The following UNC13C variants were observed in gnomAD, a reference collection of about 807,000 sequenced individuals.
The protein encoded by UNC13C is unc-13 homolog C.
UNC13C carries 174 observed loss-of-function variants against 245.4 expected under a neutral mutation model. The ratio of observed to expected loss-of-function variants is 0.71; its 90% CI spans 0.63 to 0.80. UNC13C has a LOEUF of 0.80. Among genes scored for constraint, UNC13C ranks in the 30% least tolerant of loss-of-function variants. The probability of loss-of-function intolerance (pLI) is 0.00; values close to 1 mark genes in which losing one functional copy is unlikely to be tolerated. For missense variants in UNC13C, 2,829 were observed against 2,602.9 expected (o/e 1.09, Z -1.89); for synonymous variants, 992 against 895.1 (o/e 1.11, Z -1.93).
intron 4 of UNC13C, among the ~76,000 whole-genome samples, chr15:54,202,986 C>G (rs2034571351): frequency 6.6e-6 from 1 of 151,428 alleles, no homozygotes; most frequent in African/African-American, 2.4e-5. Context: ...AAATTTCTAT[C>G]AAAAAATGGG....
intron 2 of UNC13C, among the ~76,000 whole-genome samples, chr15:54,052,000 G>C (rs1897290652): frequency 7.8e-6 from 1 of 128,430 alleles, no homozygotes; most frequent in Non-Finnish European, 1.6e-5. Flanking sequence ...CTATGAGTGA[G>C]AATATGCGGT....
chr15:54,202,152 G>A lies in UNC13C; in HGVS notation c.3072-32878G>A, dbSNP rs577283203. Among the ~76,000 whole-genome samples, 291 of 152,018 alleles carry A rather than the reference G, an allele frequency of 1.9e-3. 1 individual carries two copies. Among genetic ancestry groups the A allele is most frequent in the African/African-American group, 6.7e-3 (278 of 41,490 alleles). ...TCTGCAAGAAAAACTACAAAACCCT[G>A]CTGAAAGAAACCTTAGATGACACCA... is the stretch of plus-strand genomic sequence containing the variant. On this transcript the variant is annotated intron_variant, in intron 4 of 32. Coordinates refer to ENST00000260323, the MANE Select transcript of UNC13C (RefSeq NM_001080534.3).
intron 26 of UNC13C, among the ~76,000 whole-genome samples, chr15:54,542,775 A>G (rs60233308): frequency 0.024 from 3,638 of 151,706 alleles, 160 homozygotes; most frequent in African/African-American, 0.082. Flanking sequence ...GTCTTTTTCG[A>G]TCTTTGTTGG....
the UNC13C span, among the ~76,000 whole-genome samples, chr15:53,953,383 C>T: frequency 5.3e-5 from 8 of 152,148 alleles, no homozygotes; most frequent in Non-Finnish European, 8.8e-5. Context: ...CTCAGGAGGG[C>T]CCCAGAAGTC....
chr15:54,158,759 C>A (rs964134473), intron 4 of UNC13C, among the ~76,000 whole-genome samples: 19 of 151,988 alleles, frequency 1.3e-4, no homozygotes, highest in Non-Finnish European at 2.4e-4. Flanking sequence ...AAGTGATCCT[C>A]CTACCTCAGC....
chr15:54,329,989 C>T (rs1023150948), intron 14 of UNC13C, among the ~76,000 whole-genome samples: 3 of 151,896 alleles, frequency 2.0e-5, no homozygotes, highest in African/African-American at 7.3e-5. Flanking sequence ...TATAGCTGCT[C>T]AGTATTGTAA....
rs1322185595 is a variant in UNC13C, at chr15:54,014,056, C to G, written c.1153C>G (p.Gln385Glu). 6.2e-7 allele frequency: 1 copy of G among 1,613,590 alleles called. No homozygotes were observed. Among genetic ancestry groups the G allele is most frequent in the African/African-American group, 1.3e-5 (1 of 74,852 alleles). Residue 385 changes from glutamine (Q) to glutamate (E), a missense_variant, in exon 2 of 33, where the codon CAA becomes GAA. Gln to Glu is a conservative substitution (Grantham distance 29, BLOSUM62 2). Coordinates refer to ENST00000260323, the MANE Select transcript of UNC13C (RefSeq NM_001080534.3). ...RPILVYFETP[Q>E]QRDSVLKKSY... ...CATACTTGTGTACTTTGAAACCCCT[C>G]AACAAAGGGATTCTGTCTTAAAAAA...
the UNC13C span, among the ~76,000 whole-genome samples, chr15:53,937,791 A>G: frequency 1.4e-5 from 2 of 144,200 alleles, no homozygotes; most frequent in Non-Finnish European, 3.1e-5. Context: ...AGTTAGCTTC[A>G]TAAGTGACGG....
At chr15:54,104,200 A>G (rs1334785518) in intron 2 of UNC13C, among the ~76,000 whole-genome samples, 2 of 152,144 alleles carry the variant, frequency 1.3e-5, no homozygotes, top group African/African-American at 4.8e-5. Flanking sequence ...CACTCATTCT[A>G]GGAATTCCCT....
intron 12 of UNC13C, among the ~76,000 whole-genome samples, chr15:54,299,120 G>T (rs1457146260): frequency 6.6e-6 from 1 of 152,092 alleles, no homozygotes; most frequent in African/African-American, 2.4e-5. Flanking sequence ...CTGGCATGAT[G>T]GAGAATTCGG....
intron 30 of UNC13C, among the ~76,000 whole-genome samples, chr15:54,589,754 G>T (rs1898686890): frequency 6.6e-6 from 1 of 151,962 alleles, no homozygotes; most frequent in Admixed American, 6.6e-5. Context: ...CCCACTCTGT[G>T]GATTGACTGC....
At chr15:54,116,410 G>A (rs1458347382) in intron 2 of UNC13C, among the ~76,000 whole-genome samples, 1 of 151,996 alleles carries the variant, frequency 6.6e-6, no homozygotes, top group Non-Finnish European at 1.5e-5. Flanking sequence ...CCACTAATCA[G>A]CCTATCTTTA....
chr15:54,080,006 GTTT>G (rs3985784), intron 2 of UNC13C, among the ~76,000 whole-genome samples: 41 of 129,916 alleles, frequency 3.2e-4, no homozygotes, highest in African/African-American at 7.7e-4. Flanking sequence ...TTGTCGAGCG[GTTT>G]TTTTTTTTTT....
chr15:54,022,300 T>G (rs1041230812), intron 2 of UNC13C, among the ~76,000 whole-genome samples: 1 of 152,102 alleles, frequency 6.6e-6, no homozygotes, highest in Non-Finnish European at 1.5e-5. Flanking sequence ...GATATCACAC[T>G]GTGGTTTTTT....
the UNC13C span, among the ~76,000 whole-genome samples, chr15:53,940,101 T>C: frequency 1.3e-5 from 2 of 152,128 alleles, no homozygotes; most frequent in African/African-American, 4.8e-5. Flanking sequence ...GGTTTGTTTA[T>C]TGTAGCAAGA....
At chr15:54,170,716 T>G (rs1351050813) in intron 4 of UNC13C, among the ~76,000 whole-genome samples, 1 of 152,194 alleles carries the variant, frequency 6.6e-6, no homozygotes, top group East Asian at 1.9e-4. Flanking sequence ...TACGATACTC[T>G]GCTAGAGAGA....
chr15:54,343,707 A>G (rs1033136648), intron 17 of UNC13C, among the ~76,000 whole-genome samples: 2 of 152,246 alleles, frequency 1.3e-5, no homozygotes, highest in Non-Finnish European at 2.9e-5. Flanking sequence ...ATGGTAAGGC[A>G]GACTATTCAA....
At chr15:54,106,187 A>T (rs1054737620) in intron 2 of UNC13C, among the ~76,000 whole-genome samples, 6 of 152,198 alleles carry the variant, frequency 3.9e-5, no homozygotes, top group Admixed American at 2.0e-4. Context: ...TTTATTTGAA[A>T]TAAAGAATTG....
chr15:54,139,021 G>A (rs900381672), intron 2 of UNC13C, among the ~76,000 whole-genome samples: 4 of 132,448 alleles, frequency 3.0e-5, no homozygotes, highest in African/African-American at 5.7e-5. Flanking sequence ...GTGCAGTGGT[G>A]CGATCTCGAC....
Sources: gnomAD v4.1 joint callset for allele counts (sites outside exome capture counted in the v4.1 genomes callset) on GRCh38, gnomAD v4.1.1 for gene constraint, MANE v1.5 for transcripts, NCBI Gene and HGNC (gene_info 2026-07-23, HGNC 2026-07-21) for gene names.